Variants in PRKAG1 observed in about 807,000 individuals in gnomAD.
PRKAG1 encodes the protein 5'-AMP-activated protein kinase subunit gamma-1.
Under a neutral mutation model 48.2 loss-of-function variants are expected in PRKAG1, and 27 were observed. The ratio of observed to expected loss-of-function variants is 0.56; its 90% CI spans 0.41 to 0.77. The LOEUF (loss-of-function observed/expected upper bound fraction) is 0.77. PRKAG1 is among the 30% of genes least tolerant of loss of function. PRKAG1 has a pLI of 0.00. For missense variants in PRKAG1, 287 were observed against 398.3 expected, an observed-to-expected ratio of 0.72 and a Z score of 2.38; for synonymous variants, 130 against 147.7, an observed-to-expected ratio of 0.88 and a Z score of 0.87.
At chr12:49,011,319 GTGTT>G (rs771094249) in intron 2 of PRKAG1, among the ~76,000 whole-genome samples, 11 of 152,268 alleles carry the variant, frequency 7.2e-5, no homozygotes, top group East Asian at 1.9e-4. Context: ...GGCTTTCTCA[GTGTT>G]TGTTTGTTTA....
intron 8 of PRKAG1, 129 bp from the exon 9 acceptor site, chr12:49,004,051 AGG>A: frequency 7.8e-7 from 1 of 1,282,430 alleles, no homozygotes; most frequent in East Asian, 2.5e-5. Context: ...GCACTTTGGG[AGG>A]CTGAGGGGGA....
rs754514113 is a variant in PRKAG1, at chr12:49,004,648, G to A, written c.411-15C>T. On this transcript the variant is annotated splice_polypyrimidine_tract_variant and intron_variant, in intron 7 of 11. Transcript: ENST00000548065. ...CATCAAACAAGCTGTGAGAGGGTGGGAGATAATAAGTTCCACAGTGCTGGG... is the reference window on the plus strand; with the variant it reads ...CATCAAACAAGCTGTGAGAGGGTGGAAGATAATAAGTTCCACAGTGCTGGG... 6.2e-7 allele frequency: 1 copy of A among 1,613,790 alleles called. No individual in the cohort carries two copies. The highest frequency in any genetic ancestry group is 1.3e-5 in the African/African-American group (1 of 74,858).
intron 2 of PRKAG1, 137 bp downstream of exon 2, chr12:49,012,925 A>T (rs897616839): frequency 1.2e-6 from 1 of 806,556 alleles, no homozygotes; most frequent in African/African-American, 1.7e-5. Context: ...AACTACTGTC[A>T]CTGATTTTTG....
chr12:49,009,079 A>C (rs1386851179), intron 2 of PRKAG1, among the ~76,000 whole-genome samples: 2 of 148,882 alleles, frequency 1.3e-5, no homozygotes, highest in Non-Finnish European at 3.0e-5. Flanking sequence ...TGATCCTTTA[A>C]ATGTTTGTTT....
At chr12:49,018,614 C>A (rs1942107529) in intron 1 of PRKAG1, 118 bp downstream of exon 1, 1 of 1,580,510 alleles carries the variant, frequency 6.3e-7, no homozygotes, top group South Asian at 1.1e-5. Flanking sequence ...AGACACCCGG[C>A]TGCTTTTTGT....
chr12:49,002,920 T>C lies in PRKAG1; in HGVS notation c.975A>G (p.Thr325=). Reference sequence around the variant, plus strand: ...CAGCTCAGGGCTTCTTCTCTCCACCTGTGAGCACCAGGGCCTGCAGGATGT... The same window carrying C: ...CAGCTCAGGGCTTCTTCTCTCCACCCGTGAGCACCAGGGCCTGCAGGATGT... ...LSDILQALVL[T]GGEKKP Residue 325 remains threonine (T), a synonymous_variant, in exon 12 of 12, where the codon ACA becomes ACG. Transcript: ENST00000548065. 1.2e-6 allele frequency: 2 copies of C among 1,614,168 alleles called. No individual in the cohort carries two copies. The highest frequency in any genetic ancestry group is 1.1e-5 in the South Asian group (1 of 91,084).
chr12:49,003,330 A>C (rs1941372829), intron 10 of PRKAG1, 40 bp from the exon 11 acceptor site: 1 of 1,612,830 alleles, frequency 6.2e-7, no homozygotes, highest in African/African-American at 1.3e-5. Flanking sequence ...GAAGCAAGAG[A>C]GCCAGCCTCC....
chr12:49,003,932 GAAC>G lies in PRKAG1; in HGVS notation c.538-13_538-11del. On this transcript the variant is annotated splice_polypyrimidine_tract_variant and intron_variant, in intron 8 of 11. Coordinates refer to ENST00000548065, the MANE Select transcript of PRKAG1 (RefSeq NM_002733.5). The stretch of plus-strand genomic sequence containing the variant: ...TGGGGAACTCAGTGATCTGAGGAAA[GAAC>G]CATCAGCTTAACTTTCAAGGCACCC... The G allele has an allele frequency of 6.3e-7, 1 of 1,582,370 alleles. No homozygotes were observed. The highest frequency in any genetic ancestry group is 8.6e-7 in the Non-Finnish European group (1 of 1,162,780).
At chr12:49,009,216 C>T (rs1412554987) in intron 2 of PRKAG1, 1 of 150,444 alleles carries the variant, frequency 6.6e-6, no homozygotes, top group Non-Finnish European at 1.5e-5. Flanking sequence ...CCTTGACCTT[C>T]TGGGCTCAAG....
rs143633683 is a variant in PRKAG1, at chr12:49,004,021, G to A, written c.538-99C>T. 1.4e-4 allele frequency: 206 copies of A among 1,464,156 alleles called. 1 individual carries two copies. The East Asian group carries it at 2.8e-3, about 20-fold the overall frequency. The allele number at this position is 1,464,156 out of a possible 1,614,324, so 90.7% of individuals were successfully genotyped here. A position where few individuals can be genotyped will look rare whatever the true frequency, so the allele number is the denominator to read the frequency against. The stretch of plus-strand genomic sequence containing the variant: ...ATTAGAAATAAGGGCTGGGTGCGCC[G>A]GCTTATGCCTATAATCCCAGCACTT... On this transcript the variant is annotated intron_variant, in intron 8 of 11. Coordinates refer to ENST00000548065, the MANE Select transcript of PRKAG1 (RefSeq NM_002733.5).
At position 49,003,747 on chromosome 12, in the gene PRKAG1, A is replaced by C. The variant is rs752975555; in HGVS notation, c.703+10T>G. The C allele has an allele frequency of 6.2e-7, 1 of 1,610,352 alleles. No homozygotes were observed. The highest frequency in any genetic ancestry group is 1.7e-5 in the Admixed American group (1 of 59,820). On this transcript the variant is annotated intron_variant, in intron 9 of 11. Coordinates refer to ENST00000548065, the MANE Select transcript of PRKAG1 (RefSeq NM_002733.5). ...ATCTTCCCTCCCTCTCCTTCTGCCCAATCTCTCACCCTTCTCATCCACCAC... is the reference window on the plus strand; with the variant it reads ...ATCTTCCCTCCCTCTCCTTCTGCCCCATCTCTCACCCTTCTCATCCACCAC...
intron 2 of PRKAG1, among the ~76,000 whole-genome samples, chr12:49,012,206 G>A (rs1312617677): frequency 6.6e-6 from 1 of 152,114 alleles, no homozygotes; most frequent in Non-Finnish European, 1.5e-5. Context: ...CTTGGTCCAT[G>A]TAGGCAATTT....
intron 7 of PRKAG1, 111 bp downstream of exon 7, chr12:49,004,853 G>GTGTC: frequency 9.0e-7 from 1 of 1,108,282 alleles, no homozygotes; most frequent in Non-Finnish European, 1.4e-6. Flanking sequence ...GTGTGTGTGT[G>GTGTC]TGTGTGTGTC....
chr12:49,012,090 T>C (rs1375696802), intron 2 of PRKAG1, among the ~76,000 whole-genome samples: 1 of 151,744 alleles, frequency 6.6e-6, no homozygotes, highest in African/African-American at 2.4e-5. Context: ...CTTCTGACCT[T>C]AGGTGATCCA....
In PRKAG1 at chr12:49,018,769, G is replaced by C. The variant is rs754708979; in HGVS notation, c.-29C>G. ...AAGAGGCGCCCGGCTTGGTTTCCTC[G>C]CTTTAGGAAACTCTCTTGGGGCAGG... On this transcript the variant is annotated 5_prime_UTR_variant, in exon 1 of 12. Coordinates refer to ENST00000548065, the MANE Select transcript of PRKAG1 (RefSeq NM_002733.5). 3.1e-6 allele frequency: 5 copies of C among 1,612,182 alleles called. No individual in the cohort carries two copies. In the South Asian group the frequency reaches 5.5e-5, roughly 18 times the overall value.
intron 2 of PRKAG1, among the ~76,000 whole-genome samples, chr12:49,007,955 G>A (rs1386910058): frequency 6.6e-6 from 1 of 151,606 alleles, no homozygotes; most frequent in Admixed American, 6.6e-5. Flanking sequence ...AGCCTTCCAG[G>A]TTCAAGCGAT....
chr12:49,007,793 G>A (rs1024762420), intron 2 of PRKAG1, among the ~76,000 whole-genome samples: 6 of 150,462 alleles, frequency 4.0e-5, no homozygotes, highest in African/African-American at 1.2e-4. Flanking sequence ...CCACAAACAC[G>A]TACTTCCCAT....
At chr12:49,016,887 A>C (rs1287576380) in intron 1 of PRKAG1, 2 of 339,214 alleles carry the variant, frequency 5.9e-6, no homozygotes, top group African/African-American at 4.3e-5. Flanking sequence ...AATACCTTCA[A>C]CCTGATCTTA....
chr12:49,015,828 G>A (rs1236471694), intron 1 of PRKAG1, among the ~76,000 whole-genome samples: 3 of 151,782 alleles, frequency 2.0e-5, no homozygotes, highest in Admixed American at 6.6e-5. Flanking sequence ...CACCCGCCTC[G>A]GCCTCCCAAA....
Sources: allele counts gnomAD v4.1 joint callset (sites outside exome capture counted in the v4.1 genomes callset), GRCh38; gene constraint gnomAD v4.1.1; transcripts MANE v1.5; gene names NCBI Gene and HGNC (gene_info 2026-07-23, HGNC 2026-07-21).